The following IQCM variants were observed in gnomAD, a reference collection of about 807,000 sequenced individuals.
IQCM encodes the protein IQ domain-containing protein M.
Under a neutral mutation model 57.6 loss-of-function variants are expected in IQCM, and 45 were observed. That is an observed-to-expected ratio of 0.78 (90% CI 0.62 to 1.00). The LOEUF is 1.00. Among genes scored for constraint, IQCM ranks in the 50% least tolerant of loss-of-function variants. The pLI, the probability that IQCM is intolerant of heterozygous loss-of-function variation, is 0.00. For synonymous variants in IQCM, 148 were observed against 158.9 expected (o/e 0.93, Z 0.51); for missense variants, 468 against 511.6 (o/e 0.91, Z 0.82).
At position 149,698,745 on chromosome 4, in the gene IQCM, T is replaced by A. The variant is rs180922632; in HGVS notation, c.386-12277A>T. On this transcript the variant is annotated intron_variant, in intron 5 of 13. Transcript: ENST00000636793. ...TTAAATATTATCCTCCAGGTAAATATATTGCATTAATTATGAGAGATAATT... is the reference window on the plus strand; with the variant it reads ...TTAAATATTATCCTCCAGGTAAATAAATTGCATTAATTATGAGAGATAATT... 1.5e-3 allele frequency among the ~76,000 whole-genome samples: 229 copies of A among 152,242 alleles called. 1 individual carries two copies. Among genetic ancestry groups the A allele is most frequent in the African/African-American group, 5.3e-3 (220 of 41,554 alleles).
intron 2 of IQCM, among the ~76,000 whole-genome samples, chr4:149,813,004 A>G (rs113073198): frequency 3.7e-4 from 57 of 152,296 alleles, no homozygotes; most frequent in Admixed American, 1.2e-3. Flanking sequence ...ATGTCAGGCT[A>G]TATTTAAACC....
rs145627776 is a variant in IQCM, at chr4:149,462,233, G to A, written c.1229-28676C>T. ...TAAGCCCAAGTGACATCAATGTAGC[G>A]GATACCACCGCACACTCAGTGGAAA... On this transcript the variant is annotated intron_variant, in intron 12 of 13. Transcript: ENST00000636793. Among the ~76,000 whole-genome samples, 246 of 152,236 alleles carry A rather than the reference G, an allele frequency of 1.6e-3. 2 individuals carry two copies. The highest frequency in any genetic ancestry group is 0.01 in the Middle Eastern group (3 of 294).
chr4:149,778,103 G>A (rs1313503085), intron 2 of IQCM, among the ~76,000 whole-genome samples: 3 of 152,214 alleles, frequency 2.0e-5, no homozygotes, highest in South Asian at 2.1e-4. Context: ...TTGGCCGGGC[G>A]CGGTGGCTCA....
chr4:149,673,014 C>T (rs1761438103), intron 7 of IQCM, among the ~76,000 whole-genome samples: 1 of 152,076 alleles, frequency 6.6e-6, no homozygotes, highest in South Asian at 2.1e-4. Flanking sequence ...AATTTCATAT[C>T]CAGCCAAACT....
At chr4:149,727,180 C>T (rs1452647479) in intron 5 of IQCM, among the ~76,000 whole-genome samples, 1 of 152,134 alleles carries the variant, frequency 6.6e-6, no homozygotes, top group East Asian at 1.9e-4. Flanking sequence ...TTAATGACTC[C>T]AACCTTTCCC....
intron 12 of IQCM, among the ~76,000 whole-genome samples, chr4:149,505,080 T>C (rs1285447357): frequency 6.6e-6 from 1 of 152,090 alleles, no homozygotes; most frequent in African/African-American, 2.4e-5. Flanking sequence ...TAGTGTTCTG[T>C]TATAGTAGTC....
intron 13 of IQCM, among the ~76,000 whole-genome samples, chr4:149,388,751 A>T (rs1731628587): frequency 6.9e-6 from 1 of 145,352 alleles, no homozygotes; most frequent in African/African-American, 2.5e-5. Context: ...TGACATATAT[A>T]ATATATATAT....
At chr4:149,774,480 T>C (rs1770886819) in intron 2 of IQCM, among the ~76,000 whole-genome samples, 2 of 152,256 alleles carry the variant, frequency 1.3e-5, no homozygotes, top group South Asian at 4.1e-4. Flanking sequence ...CCCACGTGTG[T>C]AGAACATCAT....
chr4:149,437,622 C>T (rs780483985), intron 12 of IQCM, among the ~76,000 whole-genome samples: 1 of 152,010 alleles, frequency 6.6e-6, no homozygotes, highest in Non-Finnish European at 1.5e-5. Flanking sequence ...CTTGGTGCCT[C>T]CCTCCTGCAG....
chr4:149,357,605 A>T (rs1325245633), intron 13 of IQCM, among the ~76,000 whole-genome samples: 4 of 152,150 alleles, frequency 2.6e-5, no homozygotes, highest in Non-Finnish European at 1.5e-5. Context: ...CCACTTGGTT[A>T]TGGTGGATAA....
intron 2 of IQCM, among the ~76,000 whole-genome samples, chr4:149,776,290 G>GA (rs1771085169): frequency 6.6e-6 from 1 of 151,992 alleles, no homozygotes; most frequent in Non-Finnish European, 1.5e-5. Context: ...TTTTCTTTCT[G>GA]AAAACAAAGA....
chr4:149,790,280 G>A (rs1772471546), intron 2 of IQCM: 2 of 250,412 alleles, frequency 8.0e-6, no homozygotes, highest in African/African-American at 2.3e-5. Flanking sequence ...ATATGGAGAA[G>A]AGCCTGCTAG....
chr4:149,672,163 G>A (rs1296816941), intron 7 of IQCM, among the ~76,000 whole-genome samples: 1 of 152,174 alleles, frequency 6.6e-6, no homozygotes, highest in Non-Finnish European at 1.5e-5. Context: ...CCACAAAGAT[G>A]GGGAGAAACC....
At chr4:149,667,204 C>T (rs1213763729) in intron 7 of IQCM, among the ~76,000 whole-genome samples, 1 of 152,158 alleles carries the variant, frequency 6.6e-6, no homozygotes, top group Non-Finnish European at 1.5e-5. Flanking sequence ...GGCATGTGCC[C>T]CTCTGGGACG....
intron 7 of IQCM, among the ~76,000 whole-genome samples, chr4:149,674,258 A>G (rs1287902258): frequency 6.6e-6 from 1 of 151,892 alleles, no homozygotes; most frequent in Non-Finnish European, 1.5e-5. Flanking sequence ...CATTAAGTAG[A>G]AAAAATATGA....
chr4:149,409,156 G>A (rs1428763098), intron 13 of IQCM, among the ~76,000 whole-genome samples: 1 of 152,202 alleles, frequency 6.6e-6, no homozygotes, highest in Non-Finnish European at 1.5e-5. Flanking sequence ...AAATGATCCA[G>A]TGAGTGAGAA....
intron 12 of IQCM, among the ~76,000 whole-genome samples, chr4:149,464,586 C>T (rs1738646691): frequency 6.6e-6 from 1 of 152,128 alleles, no homozygotes; most frequent in Non-Finnish European, 1.5e-5. Context: ...GCAAACTTGC[C>T]CAAATGTACC....
At chr4:149,581,578 C>T (rs777787005) in intron 9 of IQCM, among the ~76,000 whole-genome samples, 5 of 151,420 alleles carry the variant, frequency 3.3e-5, no homozygotes, top group Non-Finnish European at 7.4e-5. Flanking sequence ...GGGTTTGTCT[C>T]TTTTTCAGAA....
At chr4:149,380,433 AC>A (rs111650248) in intron 13 of IQCM, among the ~76,000 whole-genome samples, 240 of 152,292 alleles carry the variant, frequency 1.6e-3, no homozygotes, top group African/African-American at 5.5e-3. Context: ...CATCAAGGAA[AC>A]AAATCTAATT....
Sources: allele counts gnomAD v4.1 joint callset (sites outside exome capture counted in the v4.1 genomes callset), GRCh38; gene constraint gnomAD v4.1.1; transcripts MANE v1.5; gene names NCBI Gene and HGNC (gene_info 2026-07-23, HGNC 2026-07-21).